Variants in JAKMIP2 observed in about 807,000 individuals in gnomAD.
The protein encoded by JAKMIP2 is janus kinase and microtubule-interacting protein 2.
In JAKMIP2, 25 loss-of-function variants were observed where a neutral mutation model predicts 115.0. The ratio of observed to expected loss-of-function variants is 0.22; its 90% confidence interval spans 0.16 to 0.30. The LOEUF (loss-of-function observed/expected upper bound fraction) is 0.30, where lower values mean the gene tolerates loss of function less well. Among genes scored for constraint, JAKMIP2 ranks in the 10% least tolerant of loss-of-function variants. JAKMIP2 has a pLI of 1.00. For missense variants in JAKMIP2, 642 were observed against 957.6 expected, an observed-to-expected ratio of 0.67 and a Z score of 4.35; for synonymous variants, 334 against 343.6, an observed-to-expected ratio of 0.97 and a Z score of 0.31.
At chr5:147,779,239 AAATT>A (rs1755671547) in intron 1 of JAKMIP2, among the ~76,000 whole-genome samples, 2 of 152,126 alleles carry the variant, frequency 1.3e-5, no homozygotes, top group African/African-American at 4.8e-5. Context: ...ACAAAGTGAG[AAATT>A]AATTAGTGTG....
chr5:147,728,367 A>G (rs1460837036), intron 1 of JAKMIP2, among the ~76,000 whole-genome samples: 1 of 152,152 alleles, frequency 6.6e-6, no homozygotes, highest in Non-Finnish European at 1.5e-5. Flanking sequence ...AAATCTTTGC[A>G]TTGTCTTGTT....
At chr5:147,652,613 A>G (rs373318424) in intron 3 of JAKMIP2, among the ~76,000 whole-genome samples, 1 of 152,210 alleles carries the variant, frequency 6.6e-6, no homozygotes, top group Middle Eastern at 3.2e-3. Context: ...TATCTGCGCT[A>G]TCAAAAAAGT....
At chr5:147,643,925 G>T in intron 7 of JAKMIP2, 133 bp downstream of exon 7, 1 of 606,286 alleles carries the variant, frequency 1.6e-6, no homozygotes, top group Non-Finnish European at 2.7e-6. Flanking sequence ...ACAGTCTCTA[G>T]AACAAAATTA....
chr5:147,624,375 A>G (rs1340471328), intron 16 of JAKMIP2, among the ~76,000 whole-genome samples: 2 of 152,170 alleles, frequency 1.3e-5, no homozygotes, highest in Non-Finnish European at 2.9e-5. Context: ...GACTGGGAAA[A>G]AATGAAGAGG....
intron 1 of JAKMIP2, among the ~76,000 whole-genome samples, chr5:147,733,769 C>G (rs1753819391): frequency 6.6e-6 from 1 of 152,168 alleles, no homozygotes; most frequent in African/African-American, 2.4e-5. Context: ...CCAGTTTCAT[C>G]CATGTCCCTA....
chr5:147,621,805 T>A lies in JAKMIP2; in HGVS notation c.2065-1062A>T, dbSNP rs550773069. On this transcript the variant is annotated intron_variant, in intron 17 of 21. Coordinates refer to ENST00000616793, the MANE Select transcript of JAKMIP2 (RefSeq NM_001270941.2). ...AAGTTGTTTTTATAGGATTCCCTCATCCAATAGGAATCCACGACGTTTTCT... is the reference window on the plus strand; with the variant it reads ...AAGTTGTTTTTATAGGATTCCCTCAACCAATAGGAATCCACGACGTTTTCT... Among the ~76,000 whole-genome samples, 3 of 152,278 alleles carry A rather than the reference T, an allele frequency of 2.0e-5. No individual in the cohort carries two copies. The South Asian group carries it at 6.2e-4, about 32-fold the overall frequency.
At chr5:147,757,284 G>A (rs576410941) in intron 1 of JAKMIP2, among the ~76,000 whole-genome samples, 1 of 152,162 alleles carries the variant, frequency 6.6e-6, no homozygotes, top group Non-Finnish European at 1.5e-5. Flanking sequence ...GACTATCAAG[G>A]GCGAGGGAGA....
chr5:147,717,434 G>A (rs1177348773), intron 1 of JAKMIP2, among the ~76,000 whole-genome samples: 1 of 139,024 alleles, frequency 7.2e-6, no homozygotes, highest in Non-Finnish European at 1.6e-5. Flanking sequence ...AATTACCTTG[G>A]GCAGTATGGC....
intron 20 of JAKMIP2, 129 bp from the exon 21 acceptor site, chr5:147,601,940 T>G (rs1755718256): frequency 2.1e-6 from 1 of 468,066 alleles, no homozygotes; most frequent in South Asian, 4.2e-5. Flanking sequence ...AGCACCTTTT[T>G]GTTTAAAAAA....
intron 3 of JAKMIP2, among the ~76,000 whole-genome samples, chr5:147,660,150 C>G (rs939912793): frequency 6.6e-6 from 1 of 152,068 alleles, no homozygotes; most frequent in Non-Finnish European, 1.5e-5. Flanking sequence ...ATTTTTTGGT[C>G]TAAAATAATT....
intron 1 of JAKMIP2, among the ~76,000 whole-genome samples, chr5:147,687,597 T>C (rs948422554): frequency 5.3e-5 from 8 of 152,212 alleles, no homozygotes; most frequent in Admixed American, 3.3e-4. Context: ...GACTATTGAT[T>C]AGCTTGGAGT....
At chr5:147,639,307 T>C (rs1757771596) in intron 10 of JAKMIP2, among the ~76,000 whole-genome samples, 1 of 152,162 alleles carries the variant, frequency 6.6e-6, no homozygotes, top group Non-Finnish European at 1.5e-5. Flanking sequence ...TTTTGAAAGA[T>C]AAAAAAGTTC....
chr5:147,705,404 A>G (rs558737194), intron 1 of JAKMIP2, among the ~76,000 whole-genome samples: 10 of 152,200 alleles, frequency 6.6e-5, no homozygotes, highest in African/African-American at 9.6e-5. Flanking sequence ...GGAGTTTGAG[A>G]CCAGCCTGTG....
chr5:147,713,048 T>C (rs1458407026), intron 1 of JAKMIP2, among the ~76,000 whole-genome samples: 3 of 152,170 alleles, frequency 2.0e-5, no homozygotes, highest in African/African-American at 7.2e-5. Flanking sequence ...GCAACCTCCA[T>C]AAATAAGCCA....
chr5:147,713,578 TA>T lies in JAKMIP2; in HGVS notation c.-148-41625del, dbSNP rs565854159. On this transcript the variant is annotated intron_variant, in intron 1 of 21. Coordinates refer to ENST00000616793, the MANE Select transcript of JAKMIP2 (RefSeq NM_001270941.2). The stretch of plus-strand genomic sequence containing the variant: ...CAATCGCCAACCAATAAAGACAATT[TA>T]AAAGGCTAGGAGAAAAACTGCAAAT... Among the ~76,000 whole-genome samples the T allele has an allele frequency of 1.7e-3, 259 of 152,212 alleles. 3 individuals are homozygous for T. Among genetic ancestry groups the T allele is most frequent in the Non-Finnish European group, 1.1e-3 (72 of 68,010 alleles).
At chr5:147,596,815 C>T (rs1459800486) in intron 21 of JAKMIP2, among the ~76,000 whole-genome samples, 1 of 152,156 alleles carries the variant, frequency 6.6e-6, no homozygotes, top group Non-Finnish European at 1.5e-5. Flanking sequence ...TAAACTGATT[C>T]ATCTTAGACT....
In JAKMIP2 at chr5:147,647,919, T is replaced by C. The variant is rs142472208; in HGVS notation, c.936+457A>G. 2.8e-3 allele frequency among the ~76,000 whole-genome samples: 420 copies of C among 152,226 alleles called. 2 individuals are homozygous for C. Among genetic ancestry groups the C allele is most frequent in the Non-Finnish European group, 2.8e-3 (192 of 68,000 alleles). On this transcript the variant is annotated intron_variant, in intron 5 of 21. Transcript: ENST00000616793. ...ACATAAATGTCCATTAACAATAACA[T>C]GGATCAGTATATTGTGATATATTAT...
intron 1 of JAKMIP2, among the ~76,000 whole-genome samples, chr5:147,767,905 A>C (rs1755210100): frequency 6.6e-6 from 1 of 152,176 alleles, no homozygotes; most frequent in Non-Finnish European, 1.5e-5. Flanking sequence ...GAGCACAGCA[A>C]ACCATTCAGT....
At chr5:147,604,800 TTTATTA>T (rs145441560) in intron 20 of JAKMIP2, among the ~76,000 whole-genome samples, 6,492 of 143,402 alleles carry the variant, frequency 0.045, 231 homozygotes, top group Admixed American at 0.089. Context: ...GGCCAGACAT[TTTATTA>T]TTATTATTAT....
Sources: allele counts gnomAD v4.1 joint callset (sites outside exome capture counted in the v4.1 genomes callset), GRCh38; gene constraint gnomAD v4.1.1; transcripts MANE v1.5; gene names NCBI Gene and HGNC (gene_info 2026-07-23, HGNC 2026-07-21).